Variants in FBXO22 observed in about 807,000 individuals in gnomAD.
FBXO22 encodes the protein F-box protein 22.
Under a neutral mutation model 37.2 loss-of-function variants are expected in FBXO22, and 13 were observed. The ratio of observed to expected loss-of-function variants is 0.35; its 90% CI spans 0.23 to 0.56. FBXO22 has a LOEUF of 0.56. Among genes scored for constraint, FBXO22 ranks in the 20% least tolerant of loss-of-function variants. The pLI is 0.87. For missense variants in FBXO22, 446 were observed against 509.9 expected (o/e 0.87, Z 1.21); for synonymous variants, 189 against 189.1 (o/e 1.00, Z 0.00).
At chr15:75,907,110 G>A (rs1191301427) in intron 2 of FBXO22, among the ~76,000 whole-genome samples, 1 of 152,108 alleles carries the variant, frequency 6.6e-6, no homozygotes, top group Non-Finnish European at 1.5e-5. Flanking sequence ...CAGCAGGCAT[G>A]ATTTTTCTAT....
intron 2 of FBXO22, 33 bp downstream of exon 2, chr15:75,904,662 T>A: frequency 3.2e-6 from 5 of 1,551,298 alleles, no homozygotes; most frequent in Non-Finnish European, 3.5e-6. Context: ...CACAGTCATT[T>A]GCAGGTTGGT....
chr15:75,929,789 T>G (rs549925455), intron 5 of FBXO22, 95 bp from the exon 6 acceptor site: 6 of 1,464,014 alleles, frequency 4.1e-6, no homozygotes, highest in South Asian at 3.7e-5. Context: ...GCCCTTAAGG[T>G]GGAGTGCAAG....
Position 75,938,798 on chromosome 15 carries a change from C to T in FBXO22, c.*5696C>T, listed in dbSNP as rs1001224629. The T allele has an allele frequency of 6.6e-6, 1 of 152,044 alleles. No homozygotes were observed. The highest frequency in any genetic ancestry group is 2.4e-5 in the African/African-American group (1 of 41,404). The allele number at this position is 152,044 out of a possible 1,614,324, so 9.4% of individuals were successfully genotyped here. A position where few individuals can be genotyped will look rare whatever the true frequency, so the allele number is the denominator to read the frequency against. ...GATATGGTGCATTTTTGAACCACAA[C>T]AGGATGTAGTTAGAAATCAGTAACA... On this transcript the variant is annotated 3_prime_UTR_variant, in exon 7 of 7. Coordinates refer to ENST00000308275, the MANE Select transcript of FBXO22 (RefSeq NM_147188.3).
chr15:75,919,584 A>G (rs1360154387), intron 5 of FBXO22, among the ~76,000 whole-genome samples: 1 of 152,228 alleles, frequency 6.6e-6, no homozygotes, highest in East Asian at 1.9e-4. Flanking sequence ...AAGTGGAAAT[A>G]ACTAACATTG....
chr15:75,937,573 G>A lies in FBXO22; in HGVS notation c.*4471G>A, dbSNP rs1401746179. Reference sequence around the variant, plus strand: ...AACCTTGTTAGAGCTTTGGAAAACAGTCAAAGGTTTACAGCAACCAAAAGA... The same window carrying A: ...AACCTTGTTAGAGCTTTGGAAAACAATCAAAGGTTTACAGCAACCAAAAGA... On this transcript the variant is annotated 3_prime_UTR_variant, in exon 7 of 7. Transcript: ENST00000308275. The A allele has an allele frequency of 6.8e-6, 1 of 147,174 alleles. No homozygotes were observed. Among genetic ancestry groups the A allele is most frequent in the Non-Finnish European group, 1.5e-5 (1 of 67,108 alleles). The allele number at this position is 147,174 out of a possible 1,614,324, so 9.1% of individuals were successfully genotyped here. A position where few individuals can be genotyped will look rare whatever the true frequency, so the allele number is the denominator to read the frequency against.
At position 75,934,768 on chromosome 15, in the gene FBXO22, T is replaced by C. The variant is rs1297408842; in HGVS notation, c.*1666T>C. ...TCCTTGAATGTGCTCATATAGCCCA[T>C]AAGGCAAATATTTTTTAAACTTTAT... On this transcript the variant is annotated 3_prime_UTR_variant, in exon 7 of 7. Coordinates refer to ENST00000308275, the MANE Select transcript of FBXO22 (RefSeq NM_147188.3). 6.6e-6 allele frequency: 1 copy of C among 152,198 alleles called. No homozygotes were observed. The highest frequency in any genetic ancestry group is 1.5e-5 in the Non-Finnish European group (1 of 68,026). 9.4% of individuals were successfully genotyped at this position (152,198 alleles called of 1,614,324 possible).
At chr15:75,926,711 A>G (rs139841300) in intron 5 of FBXO22, among the ~76,000 whole-genome samples, 168 of 152,290 alleles carry the variant, frequency 1.1e-3, no homozygotes, top group African/African-American at 4.0e-3. Flanking sequence ...TTTTCAATAC[A>G]TGTTTTTAAA....
Position 75,903,936 on chromosome 15 carries a change from A to C in FBXO22, c.-28A>C, listed in dbSNP as rs1387085065. The C allele has an allele frequency of 2.6e-6, 4 of 1,516,448 alleles. No homozygotes were observed. The South Asian group carries it at 5.0e-5, about 19-fold the overall frequency. The allele number at this position is 1,516,448 out of a possible 1,614,324, so 93.9% of individuals were successfully genotyped here. A position where few individuals can be genotyped will look rare whatever the true frequency, so the allele number is the denominator to read the frequency against. On this transcript the variant is annotated 5_prime_UTR_variant, in exon 1 of 7. Coordinates refer to ENST00000308275, the MANE Select transcript of FBXO22 (RefSeq NM_147188.3). Reference sequence around the variant, plus strand: ...TAATCGGGTTCCTCCGAGCCGCCGTAGGACTGGTTCCGGCGGGCTGGTGAG... The same window carrying C: ...TAATCGGGTTCCTCCGAGCCGCCGTCGGACTGGTTCCGGCGGGCTGGTGAG...
At chr15:75,923,999 A>G (rs1406338584) in intron 5 of FBXO22, among the ~76,000 whole-genome samples, 1 of 152,156 alleles carries the variant, frequency 6.6e-6, no homozygotes, top group Non-Finnish European at 1.5e-5. Flanking sequence ...GCTGTATAGT[A>G]CCATTGACTA....
rs1445041950 is a variant in FBXO22 at position 75,933,549 on chromosome 15, A to G, written c.*447A>G. 5.8e-6 allele frequency: 1 copy of G among 171,560 alleles called. No individual in the cohort carries two copies. The highest frequency in any genetic ancestry group is 1.3e-5 in the Non-Finnish European group (1 of 79,986). The allele number at this position is 171,560 out of a possible 1,614,324, so 10.6% of individuals were successfully genotyped here. Reference sequence around the variant, plus strand: ...AGGAGAAAAATATACTGATGGCTGGAGAAATTTTTCTCTGCCTTTCAGTTT... The same window carrying G: ...AGGAGAAAAATATACTGATGGCTGGGGAAATTTTTCTCTGCCTTTCAGTTT... On this transcript the variant is annotated 3_prime_UTR_variant, in exon 7 of 7. Transcript: ENST00000308275.
intron 5 of FBXO22, among the ~76,000 whole-genome samples, chr15:75,924,081 T>G (rs907629512): frequency 1.4e-4 from 22 of 152,268 alleles, no homozygotes; most frequent in African/African-American, 5.3e-4. Flanking sequence ...GTTTGGAATT[T>G]GAGATGGAGA....
At chr15:75,917,896 C>CA (rs1900223415) in intron 5 of FBXO22, among the ~76,000 whole-genome samples, 2 of 152,254 alleles carry the variant, frequency 1.3e-5, no homozygotes, top group East Asian at 3.9e-4. Flanking sequence ...GTCTATCAAG[C>CA]AAGGGGTGTG....
chr15:75,930,122 A>G (rs2141724295), intron 6 of FBXO22, 73 bp downstream of exon 6: 2 of 1,602,644 alleles, frequency 1.2e-6, no homozygotes, highest in Middle Eastern at 3.3e-4. Flanking sequence ...CTTTGGGGTT[A>G]ACAATTTAAA....
intron 5 of FBXO22, among the ~76,000 whole-genome samples, chr15:75,920,084 C>T (rs1485965948): frequency 6.6e-6 from 1 of 152,150 alleles, no homozygotes; most frequent in Non-Finnish European, 1.5e-5. Flanking sequence ...AGATAGTGCC[C>T]TTAAAACTGA....
At chr15:75,928,672 C>T (rs538775902) in intron 5 of FBXO22, among the ~76,000 whole-genome samples, 1 of 152,008 alleles carries the variant, frequency 6.6e-6, no homozygotes, top group South Asian at 2.1e-4. Flanking sequence ...ATCTGCACAA[C>T]AAACCCCCAT....
At chr15:75,905,520 G>T (rs1899910647) in intron 2 of FBXO22, 1 of 152,166 alleles carries the variant, frequency 6.6e-6, no homozygotes, top group South Asian at 2.1e-4. Flanking sequence ...CATAACTACG[G>T]TGCAGCCGTC....
chr15:75,930,945 A>G (rs1595919231), intron 6 of FBXO22: 13 of 829,442 alleles, frequency 1.6e-5, no homozygotes, highest in Non-Finnish European at 1.9e-5. Flanking sequence ...GATCTGGGAA[A>G]ATAGCTAAAG....
chr15:75,932,533 A>G (rs1413884526), intron 6 of FBXO22, 152 bp from the exon 7 acceptor site: 1 of 631,224 alleles, frequency 1.6e-6, no homozygotes, highest in Non-Finnish European at 2.6e-6. Context: ...TTGATTTTTG[A>G]CCCTATTTTA....
At chr15:75,929,679 T>A (rs543100065) in intron 5 of FBXO22, among the ~76,000 whole-genome samples, 2 of 152,238 alleles carry the variant, frequency 1.3e-5, no homozygotes, top group East Asian at 3.9e-4. Context: ...TTTTGCATAA[T>A]GTTTGTAAAA....
Sources: allele counts gnomAD v4.1 joint callset (sites outside exome capture counted in the v4.1 genomes callset), GRCh38; gene constraint gnomAD v4.1.1; transcripts MANE v1.5; gene names NCBI Gene and HGNC (gene_info 2026-07-23, HGNC 2026-07-21).